NEDD4: variants seen among roughly 807,000 people sequenced by gnomAD.
NEDD4 encodes E3 ubiquitin-protein ligase NEDD4.
In NEDD4, 99 loss-of-function variants were observed where a neutral mutation model predicts 144.9. The observed-to-expected ratio is 0.68, with a 90% CI of 0.58 to 0.81. The LOEUF is 0.81. NEDD4 is among the 30% of genes least tolerant of loss of function. NEDD4 has a pLI of 0.00. For synonymous variants in NEDD4, 318 were observed against 350.6 expected, an observed-to-expected ratio of 0.91 and a Z score of 1.04; for missense variants, 985 against 1,065.9, an observed-to-expected ratio of 0.92 and a Z score of 1.06.
chr15:55,869,391 A>G (rs940382562), intron 8 of NEDD4, among the ~76,000 whole-genome samples, 188 bp downstream of exon 8: 1 of 152,242 alleles, frequency 6.6e-6, no homozygotes, highest in Non-Finnish European at 1.5e-5. Context: ...AAGGCCATCA[A>G]TAATGGCCAT....
chr15:55,897,027 G>A (rs1465967068), intron 5 of NEDD4, among the ~76,000 whole-genome samples: 1 of 152,086 alleles, frequency 6.6e-6, no homozygotes, highest in African/African-American at 2.4e-5. Flanking sequence ...AGACCGGAGT[G>A]CAGTGGCACA....
chr15:55,838,899 C>T (rs2033339836), intron 21 of NEDD4, among the ~76,000 whole-genome samples: 1 of 152,190 alleles, frequency 6.6e-6, no homozygotes, highest in African/African-American at 2.4e-5. Flanking sequence ...CAGATTTTAT[C>T]ATCCAGTTAA....
chr15:55,846,965 T>A lies in NEDD4; in HGVS notation c.1608+4A>T. ...CTTAAGTATTTATTATAAACATGAC[T>A]AACCTGCTTCTTCAACTTTCTTCGG... On this transcript the variant is annotated splice_donor_region_variant and intron_variant, in intron 18 of 28. Transcript: ENST00000435532. 2 of 1,577,016 alleles carry A rather than the reference T, an allele frequency of 1.3e-6. No individual in the cohort carries two copies. Among genetic ancestry groups the A allele is most frequent in the South Asian group, 2.2e-5 (2 of 89,714 alleles).
At chr15:55,855,777 C>A (rs926116770) in intron 12 of NEDD4, among the ~76,000 whole-genome samples, 2 of 152,346 alleles carry the variant, frequency 1.3e-5, no homozygotes, top group East Asian at 3.9e-4. Flanking sequence ...ATGTACAGGG[C>A]AGACATGGCT....
At chr15:55,906,197 G>C (rs1215824909) in intron 5 of NEDD4, among the ~76,000 whole-genome samples, 1 of 152,192 alleles carries the variant, frequency 6.6e-6, no homozygotes, top group Non-Finnish European at 1.5e-5. Flanking sequence ...CTCTAAACTA[G>C]TTCAACCATT....
At position 55,840,645 on chromosome 15, in the gene NEDD4, C is replaced by T. The variant is rs1341895370; in HGVS notation, c.1921G>A (p.Val641Ile). ...HLSYFKFIGR[V>I]AGMAVYHGKL... ...CCATGATAAACTGCCATTCCAGCTA[C>T]CCGACCAATAAACTTGAAGTAAGAG... The change falls in exon 20 of 29, where the codon GTA (valine) becomes ATA (isoleucine). Residue 641 changes from valine to isoleucine, a missense_variant. Val to Ile is a conservative substitution (Grantham distance 29). Transcript: ENST00000435532. The T allele has an allele frequency of 6.2e-7, 1 of 1,614,082 alleles. No homozygotes were observed. Among genetic ancestry groups the T allele is most frequent in the Admixed American group, 1.7e-5 (1 of 60,016 alleles).
chr15:55,951,573 C>T lies in NEDD4; in HGVS notation c.136G>A (p.Val46Met). The T allele has an allele frequency of 1.3e-6, 2 of 1,495,688 alleles. No homozygotes were observed. Among genetic ancestry groups the T allele is most frequent in the Non-Finnish European group, 1.8e-6 (2 of 1,120,772 alleles). The allele number at this position is 1,495,688 out of a possible 1,614,324, so 92.7% of individuals were successfully genotyped here. ...CCATTCATTGGGTCATATAACGTCA[C>T]TCTCACGTAAGGATCACTGTTAAAA... ...ILGASDPYVRVTLYDPMNGVL... is the reference protein window; with the variant it reads ...ILGASDPYVRMTLYDPMNGVL... The change falls in exon 3 of 29, where the codon GTG (valine) becomes ATG (methionine). Residue 46 changes from valine (V) to methionine (M), a missense_variant. Transcript: ENST00000435532.
chr15:55,843,907 T>C (rs1014993264), intron 18 of NEDD4, among the ~76,000 whole-genome samples: 1 of 152,150 alleles, frequency 6.6e-6, no homozygotes, highest in Non-Finnish European at 1.5e-5. Flanking sequence ...TAGGGTAAGA[T>C]GTCCTTGCTT....
intron 11 of NEDD4, among the ~76,000 whole-genome samples, chr15:55,859,876 C>A (rs1238246335): frequency 1.3e-5 from 2 of 152,152 alleles, no homozygotes; most frequent in African/African-American, 4.8e-5. Flanking sequence ...CCACAAAATA[C>A]CAAACATTTC....
chr15:55,887,217 T>G (rs1229621859), intron 5 of NEDD4, among the ~76,000 whole-genome samples: 1 of 151,768 alleles, frequency 6.6e-6, no homozygotes, highest in Non-Finnish European at 1.5e-5. Context: ...AAGTTGGTTT[T>G]TAAAAAAAGA....
At chr15:55,843,580 GC>G (rs1286798507) in intron 18 of NEDD4, among the ~76,000 whole-genome samples, 2 of 152,068 alleles carry the variant, frequency 1.3e-5, no homozygotes, top group Non-Finnish European at 2.9e-5. Context: ...GAGAAAACAT[GC>G]CATCAATATT....
intron 26 of NEDD4, among the ~76,000 whole-genome samples, 177 bp from the exon 27 acceptor site, chr15:55,833,281 C>T (rs1488863845): frequency 2.6e-5 from 4 of 152,078 alleles, no homozygotes; most frequent in Non-Finnish European, 5.9e-5. Context: ...AACTTTATTT[C>T]TAAGGCTACA....
chr15:55,983,039 T>C (rs969802474), intron 1 of NEDD4, among the ~76,000 whole-genome samples: 3 of 151,996 alleles, frequency 2.0e-5, no homozygotes, highest in Admixed American at 1.3e-4. Context: ...GGAGAATCAC[T>C]TGAACCCAGA....
At position 55,856,180 on chromosome 15, in the gene NEDD4, C is replaced by T. The variant is rs764207192; in HGVS notation, c.977G>A (p.Arg326Lys). 5 of 1,610,694 alleles carry T rather than the reference C, an allele frequency of 3.1e-6. No homozygotes were observed. The change falls in exon 12 of 29, where the codon AGA becomes AAA. Residue 326 changes from arginine to lysine, a missense_variant. By Grantham distance (26) the Arg-to-Lys change is conservative (BLOSUM62 2). Coordinates refer to ENST00000435532, the MANE Select transcript of NEDD4 (RefSeq NM_006154.4). ...PASSSNHSSR[R>K]GSLQAYTFEE... ...AAAAGTATAGGCTTGTAAGCTGCCT[C>T]TTCTGCTGGAATGATTCTTGTGAAA...
intron 4 of NEDD4, among the ~76,000 whole-genome samples, chr15:55,947,183 C>G (rs1318058018): frequency 6.6e-6 from 1 of 151,984 alleles, no homozygotes; most frequent in African/African-American, 2.4e-5. Context: ...GAGAGAGAGA[C>G]ATAAAAAACC....
intron 5 of NEDD4, among the ~76,000 whole-genome samples, chr15:55,912,209 C>T (rs1470483989): frequency 1.3e-5 from 2 of 152,058 alleles, no homozygotes; most frequent in East Asian, 3.8e-4. Context: ...TCTAAATATT[C>T]TGCTAAATTT....
rs1247700340 is a variant in NEDD4 at position 55,852,549 on chromosome 15, G to A, written c.1027-6C>T. ...CCAGATGAAGTAGGCAAAAGCTAAAGTGAAGAATAACAGAAGAATTAAATA... is the reference window on the plus strand; with the variant it reads ...CCAGATGAAGTAGGCAAAAGCTAAAATGAAGAATAACAGAAGAATTAAATA... On this transcript the variant is annotated splice_polypyrimidine_tract_variant and splice_region_variant and intron_variant, in intron 12 of 28. Coordinates refer to ENST00000435532, the MANE Select transcript of NEDD4 (RefSeq NM_006154.4). 3 of 1,612,346 alleles carry A rather than the reference G, an allele frequency of 1.9e-6. No homozygotes were observed. The highest frequency in any genetic ancestry group is 1.3e-5 in the African/African-American group (1 of 74,796).
At chr15:55,883,678 AACAC>A (rs140836346) in intron 5 of NEDD4, among the ~76,000 whole-genome samples, 4 of 139,376 alleles carry the variant, frequency 2.9e-5, no homozygotes, top group Non-Finnish European at 6.2e-5. Context: ...CAGGCATCTC[AACAC>A]ACACACACAC....
intron 5 of NEDD4, among the ~76,000 whole-genome samples, chr15:55,921,325 CTT>C (rs544704197): frequency 6.9e-6 from 1 of 145,256 alleles, no homozygotes; most frequent in African/African-American, 2.5e-5. Flanking sequence ...TCTATAATAA[CTT>C]TTTTTTTTTT....
Sources: gnomAD v4.1 joint callset for allele counts (sites outside exome capture counted in the v4.1 genomes callset) on GRCh38, gnomAD v4.1.1 for gene constraint, MANE v1.5 for transcripts, NCBI Gene and HGNC (gene_info 2026-07-23, HGNC 2026-07-21) for gene names.